The following ADAMTS12 variants were observed in gnomAD, a reference collection of about 807,000 sequenced individuals.
The protein encoded by ADAMTS12 is A disintegrin and metalloproteinase with thrombospondin motifs 12.
Under a neutral mutation model 167.8 loss-of-function variants are expected in ADAMTS12, and 118 were observed. The ratio of observed to expected loss-of-function variants is 0.70; its 90% CI spans 0.61 to 0.82. ADAMTS12 has a LOEUF of 0.82. ADAMTS12 is among the 40% of genes least tolerant of loss of function. The pLI, the probability that ADAMTS12 is intolerant of heterozygous loss-of-function variation, is 0.00. For missense variants in ADAMTS12, 1,916 were observed against 1,998.8 expected (o/e 0.96, Z 0.79); for synonymous variants, 704 against 716.9 (o/e 0.98, Z 0.29).
In ADAMTS12 at chr5:33,728,493, G is replaced by A. The variant is rs115828046; in HGVS notation, c.634+22911C>T. ...AGACTCGCAAAGCCCTGTTCCTGGT[G>A]GCCCTCACCATCCTCTCAGTGTGGC... On this transcript the variant is annotated intron_variant, in intron 3 of 23. Transcript: ENST00000504830. Among the ~76,000 whole-genome samples, 401 of 152,290 alleles carry A rather than the reference G, an allele frequency of 2.6e-3. 4 individuals are homozygous for A. Among genetic ancestry groups the A allele is most frequent in the African/African-American group, 9.1e-3 (378 of 41,564 alleles).
chr5:33,735,177 G>A (rs138818394), intron 3 of ADAMTS12, among the ~76,000 whole-genome samples: 3 of 152,252 alleles, frequency 2.0e-5, no homozygotes, highest in African/African-American at 4.8e-5. Flanking sequence ...AATTTGCCCC[G>A]GGTCTTCTTT....
chr5:33,665,352 C>T (rs1741428524), intron 5 of ADAMTS12, among the ~76,000 whole-genome samples: 1 of 152,080 alleles, frequency 6.6e-6, no homozygotes, highest in South Asian at 2.1e-4. Context: ...ATGTACTGTA[C>T]TGTATATTTG....
intron 2 of ADAMTS12, among the ~76,000 whole-genome samples, chr5:33,854,807 A>G (rs563824556): frequency 1.8e-4 from 27 of 152,334 alleles, no homozygotes; most frequent in African/African-American, 5.8e-4. Flanking sequence ...GCCCCATTCC[A>G]AAGTCTCATG....
intron 2 of ADAMTS12, among the ~76,000 whole-genome samples, chr5:33,861,041 A>G (rs778656824): frequency 1.3e-5 from 2 of 152,172 alleles, no homozygotes; most frequent in Non-Finnish European, 2.9e-5. Context: ...AACACTAAAT[A>G]TGGAAAGGAA....
intron 2 of ADAMTS12, among the ~76,000 whole-genome samples, chr5:33,811,469 A>G (rs545532467): frequency 6.6e-6 from 1 of 152,330 alleles, no homozygotes; most frequent in East Asian, 1.9e-4. Flanking sequence ...GGTGATCGTC[A>G]TGCCAATATC....
intron 2 of ADAMTS12, among the ~76,000 whole-genome samples, chr5:33,841,149 A>G (rs540304851): frequency 6.6e-6 from 1 of 152,114 alleles, no homozygotes; most frequent in African/African-American, 2.4e-5. Flanking sequence ...CAGACTGTTC[A>G]ATCAGGCTTC....
chr5:33,781,765 A>G (rs1022120112), intron 2 of ADAMTS12, among the ~76,000 whole-genome samples: 20 of 151,948 alleles, frequency 1.3e-4, no homozygotes, highest in Non-Finnish European at 1.3e-4. Flanking sequence ...TTACATATGT[A>G]TACATGTGCC....
chr5:33,676,723 G>A (rs1166540906), intron 5 of ADAMTS12, among the ~76,000 whole-genome samples: 1 of 149,874 alleles, frequency 6.7e-6, no homozygotes, highest in Non-Finnish European at 1.5e-5. Context: ...GAGAGAGAGA[G>A]AGAGAGAATA....
At chr5:33,701,557 T>C (rs1481641031) in intron 3 of ADAMTS12, among the ~76,000 whole-genome samples, 1 of 152,108 alleles carries the variant, frequency 6.6e-6, no homozygotes, top group Non-Finnish European at 1.5e-5. Context: ...GTTACTCAAA[T>C]CCTAACATCT....
intron 16 of ADAMTS12, among the ~76,000 whole-genome samples, chr5:33,601,021 A>G (rs1364021142): frequency 2.0e-5 from 3 of 151,594 alleles, no homozygotes; most frequent in Non-Finnish European, 2.9e-5. Flanking sequence ...TTCATGCTCT[A>G]TGAGTTCAGA....
intron 23 of ADAMTS12, among the ~76,000 whole-genome samples, chr5:33,527,697 A>ATGC (rs1256250090): frequency 6.6e-6 from 1 of 152,148 alleles, no homozygotes; most frequent in African/African-American, 2.4e-5. Flanking sequence ...AGATAATGGG[A>ATGC]TGCTAGTAGA....
chr5:33,530,208 G>A (rs955076016), intron 23 of ADAMTS12, among the ~76,000 whole-genome samples: 3 of 152,130 alleles, frequency 2.0e-5, no homozygotes, highest in Non-Finnish European at 4.4e-5. Flanking sequence ...TTACAGGTGT[G>A]AGCCACTGTG....
intron 20 of ADAMTS12, among the ~76,000 whole-genome samples, chr5:33,550,528 T>C (rs1428331198): frequency 6.6e-6 from 1 of 152,166 alleles, no homozygotes; most frequent in Non-Finnish European, 1.5e-5. Flanking sequence ...CTCGGGTTAA[T>C]ACAATGTCCT....
At chr5:33,530,208 G>C (rs955076016) in intron 23 of ADAMTS12, among the ~76,000 whole-genome samples, 5 of 152,130 alleles carry the variant, frequency 3.3e-5, no homozygotes, top group Non-Finnish European at 7.4e-5. Context: ...TTACAGGTGT[G>C]AGCCACTGTG....
intron 3 of ADAMTS12, among the ~76,000 whole-genome samples, chr5:33,690,630 AG>A (rs1217157966): frequency 6.6e-6 from 1 of 152,218 alleles, no homozygotes; most frequent in Non-Finnish European, 1.5e-5. Context: ...GTAAGTAAAA[AG>A]GATGTTTGAA....
At chr5:33,763,157 T>C (rs1352146710) in intron 2 of ADAMTS12, among the ~76,000 whole-genome samples, 1 of 152,188 alleles carries the variant, frequency 6.6e-6, no homozygotes, top group South Asian at 2.1e-4. Context: ...GCTGTCAACG[T>C]CCTAATCCCT....
chr5:33,681,010 C>T (rs1434657496), intron 5 of ADAMTS12, among the ~76,000 whole-genome samples: 1 of 152,152 alleles, frequency 6.6e-6, no homozygotes, highest in Non-Finnish European at 1.5e-5. Context: ...ATCTGTGCCC[C>T]AATCAATGGT....
chr5:33,869,524 T>C (rs371379443), intron 2 of ADAMTS12, among the ~76,000 whole-genome samples: 3 of 152,198 alleles, frequency 2.0e-5, no homozygotes, highest in East Asian at 1.9e-4. Flanking sequence ...GGAGAAATTT[T>C]AAAGCTGGGT....
At position 33,702,673 on chromosome 5, in the gene ADAMTS12, G is replaced by T. The variant is rs146314693; in HGVS notation, c.635-18618C>A. Among the ~76,000 whole-genome samples the T allele has an allele frequency of 2.1e-3, 327 of 152,266 alleles. 4 individuals are homozygous for T. The highest frequency in any genetic ancestry group is 6.2e-4 in the Non-Finnish European group (42 of 68,026). On this transcript the variant is annotated intron_variant, in intron 3 of 23. Coordinates refer to ENST00000504830, the MANE Select transcript of ADAMTS12 (RefSeq NM_030955.4). ...ACAAACTCTACTTAGATGAGAGTTG[G>T]CTTCTTTACGAATCAACTGTGCATT...
Sources: gnomAD v4.1 joint callset for allele counts (sites outside exome capture counted in the v4.1 genomes callset) on GRCh38, gnomAD v4.1.1 for gene constraint, MANE v1.5 for transcripts, NCBI Gene and HGNC (gene_info 2026-07-23, HGNC 2026-07-21) for gene names.